MFSD6: variants seen among roughly 807,000 people sequenced by gnomAD.
The protein encoded by MFSD6 is major facilitator superfamily domain containing 6.
In MFSD6, 26 loss-of-function variants were observed where a neutral mutation model predicts 56.3. That is an observed-to-expected ratio of 0.46 (90% CI 0.34 to 0.64). The LOEUF (loss-of-function observed/expected upper bound fraction) is 0.64, where lower values mean the gene tolerates loss of function less well. MFSD6 is among the 30% of genes least tolerant of loss of function. MFSD6 has a pLI of 0.01. For synonymous variants in MFSD6, 331 were observed against 366.9 expected, an observed-to-expected ratio of 0.90 and a Z score of 1.12; for missense variants, 750 against 986.2, an observed-to-expected ratio of 0.76 and a Z score of 3.21.
Position 190,491,563 on chromosome 2 carries a change from A to G in MFSD6, c.1891+1697A>G, listed in dbSNP as rs1384859282. Among the ~76,000 whole-genome samples the G allele has an allele frequency of 1.3e-5, 2 of 152,188 alleles. No individual in the cohort carries two copies. The highest frequency in any genetic ancestry group is 2.4e-5 in the African/African-American group (1 of 41,436). On this transcript the variant is annotated intron_variant, in intron 6 of 7. Coordinates refer to ENST00000392328, the MANE Select transcript of MFSD6 (RefSeq NM_017694.4). This position sits in a 1 kb window ranked among gnomAD's most constrained non-coding sequence, Gnocchi z 4.2. The stretch of plus-strand genomic sequence containing the variant: ...GGCTAGATCCAGAAGAGAAATGACA[A>G]TCACTACAGCCTGGCTGTCAGGAAG...
At position 190,461,294 on chromosome 2, in the gene MFSD6, T is replaced by C. The variant is rs1408312272; in HGVS notation, c.1533-8464T>C. On this transcript the variant is annotated intron_variant, in intron 3 of 7. Coordinates refer to ENST00000392328, the MANE Select transcript of MFSD6 (RefSeq NM_017694.4). This position sits in a 1 kb window ranked among gnomAD's most constrained non-coding sequence, Gnocchi z 5.5. ...TGTTCATTCTTTGAGAAAGTAGACA[T>C]GCACTTGGAAAAACATTCAAAAGGT... 6.6e-6 allele frequency among the ~76,000 whole-genome samples: 1 copy of C among 152,182 alleles called. No individual in the cohort carries two copies. The highest frequency in any genetic ancestry group is 1.9e-4 in the East Asian group (1 of 5,198).
chr2:190,465,006 C>T lies in MFSD6; in HGVS notation c.1533-4752C>T. ...TACACTGTTAGGAATTACAGAATGA[C>T]TCATAATTCATTGTATCTATATCTT... On this transcript the variant is annotated intron_variant, in intron 3 of 7. Coordinates refer to ENST00000392328, the MANE Select transcript of MFSD6 (RefSeq NM_017694.4). The surrounding 1 kb of genome is among the most constrained non-coding windows in gnomAD (Gnocchi z 4.6). 2 of 677,772 alleles carry T rather than the reference C, an allele frequency of 3.0e-6. No individual in the cohort carries two copies. The highest frequency in any genetic ancestry group is 3.7e-6 in the Non-Finnish European group (2 of 547,942). 42.0% of individuals were successfully genotyped at this position (677,772 alleles called of 1,614,324 possible).
At chr2:190,472,668 A>G (rs959084498) in intron 4 of MFSD6, among the ~76,000 whole-genome samples, 2 of 152,248 alleles carry the variant, frequency 1.3e-5, no homozygotes, top group Non-Finnish European at 2.9e-5. Flanking sequence ...ACTCTGCAGG[A>G]TATTATCCAG....
rs775739094 is a variant in MFSD6 at position 190,494,465 on chromosome 2, T to C, written c.1892-2974T>C. ...ATCCTATTGACACTATTCCACAAGATAGAGAAAGAGGGAATCCTCCCTAAA... is the reference window on the plus strand; with the variant it reads ...ATCCTATTGACACTATTCCACAAGACAGAGAAAGAGGGAATCCTCCCTAAA... On this transcript the variant is annotated intron_variant, in intron 6 of 7. Transcript: ENST00000392328. This position sits in a 1 kb window ranked among gnomAD's most constrained non-coding sequence, Gnocchi z 5.7. Among the ~76,000 whole-genome samples, 6 of 152,102 alleles carry C rather than the reference T, an allele frequency of 3.9e-5. No homozygotes were observed. In the East Asian group the frequency reaches 9.7e-4, roughly 24 times the overall value.
chr2:190,469,339 C>T lies in MFSD6; in HGVS notation c.1533-419C>T, dbSNP rs1687782558. ...TATTCTCATTTTTATCCTTCCTTCC[C>T]CCATTGTAGTGAAGTGGTTACAATC... On this transcript the variant is annotated intron_variant, in intron 3 of 7. Transcript: ENST00000392328. The surrounding 1 kb of genome is among the most constrained non-coding windows in gnomAD (Gnocchi z 5.3). Among the ~76,000 whole-genome samples the T allele has an allele frequency of 6.6e-6, 1 of 152,124 alleles. No homozygotes were observed. Among genetic ancestry groups the T allele is most frequent in the Non-Finnish European group, 1.5e-5 (1 of 68,032 alleles).
chr2:190,409,959 A>G (rs1358855793), intron 1 of MFSD6, among the ~76,000 whole-genome samples: 1 of 152,216 alleles, frequency 6.6e-6, no homozygotes, highest in Non-Finnish European at 1.5e-5. Context: ...CTGGGGAAAC[A>G]GGAGGAGAGA....
intron 2 of MFSD6, among the ~76,000 whole-genome samples, chr2:190,422,389 G>A (rs1431397286): frequency 6.6e-6 from 1 of 152,004 alleles, no homozygotes; most frequent in African/African-American, 2.4e-5. Context: ...CTTATTTCCT[G>A]TATCCCTTGT....
chr2:190,423,934 T>C lies in MFSD6; in HGVS notation c.-54+8521T>C, dbSNP rs1685709059. The stretch of plus-strand genomic sequence containing the variant: ...TTTGTATCTATGCATTTATATATCC[T>C]GTCTATCCTCTTCAGTGAAATGTCC... On this transcript the variant is annotated intron_variant, in intron 2 of 7. Transcript: ENST00000392328. This position sits in a 1 kb window ranked among gnomAD's most constrained non-coding sequence, Gnocchi z 4.3. Among the ~76,000 whole-genome samples, 1 of 152,258 alleles carries C rather than the reference T, an allele frequency of 6.6e-6. No individual in the cohort carries two copies. Among genetic ancestry groups the C allele is most frequent in the Admixed American group, 6.5e-5 (1 of 15,292 alleles).
chr2:190,444,937 T>A (rs1686517778), intron 3 of MFSD6: 2 of 739,124 alleles, frequency 2.7e-6, no homozygotes, highest in African/African-American at 1.9e-5. Context: ...TCTTGGTAAA[T>A]TAACTGTAGC....
At position 190,487,936 on chromosome 2, in the gene MFSD6, C is replaced by T. The variant is rs1689107370; in HGVS notation, c.1631-721C>T. The stretch of plus-strand genomic sequence containing the variant: ...TTCTTTTTTGAGACAGAATCTTGCT[C>T]TGTTGCCAGGCTGGGGAGTGCAGTG... On this transcript the variant is annotated intron_variant, in intron 4 of 7. Coordinates refer to ENST00000392328, the MANE Select transcript of MFSD6 (RefSeq NM_017694.4). The surrounding 1 kb of genome is among the most constrained non-coding windows in gnomAD (Gnocchi z 5.5). Among the ~76,000 whole-genome samples, 1 of 152,142 alleles carries T rather than the reference C, an allele frequency of 6.6e-6. No homozygotes were observed. Among genetic ancestry groups the T allele is most frequent in the Non-Finnish European group, 1.5e-5 (1 of 68,030 alleles).
In MFSD6 at chr2:190,457,421, C is replaced by T. The variant is rs1225483786; in HGVS notation, c.1533-12337C>T. Among the ~76,000 whole-genome samples, 1 of 152,184 alleles carries T rather than the reference C, an allele frequency of 6.6e-6. No individual in the cohort carries two copies. The highest frequency in any genetic ancestry group is 1.9e-4 in the East Asian group (1 of 5,204). ...CTTCTTCCTGTTGGCCCCCTACCCC[C>T]AGGACTCAGACTTTGCGTGTTTTTT... On this transcript the variant is annotated intron_variant, in intron 3 of 7. Transcript: ENST00000392328. This position sits in a 1 kb window ranked among gnomAD's most constrained non-coding sequence, Gnocchi z 5.1.
Position 190,413,351 on chromosome 2 carries a change from C to T in MFSD6, c.-175-1941C>T, listed in dbSNP as rs770422349. Among the ~76,000 whole-genome samples, 1 of 151,854 alleles carries T rather than the reference C, an allele frequency of 6.6e-6. No homozygotes were observed. Among genetic ancestry groups the T allele is most frequent in the Non-Finnish European group, 1.5e-5 (1 of 67,982 alleles). The stretch of plus-strand genomic sequence containing the variant: ...ATTCAGACCCTTAAAAAACCATGTT[C>T]AAGAGATGTGGAAAAAAATTGAATT... On this transcript the variant is annotated intron_variant, in intron 1 of 7. Transcript: ENST00000392328. This position sits in a 1 kb window ranked among gnomAD's most constrained non-coding sequence, Gnocchi z 4.1.
chr2:190,449,600 A>G (rs78370306), intron 3 of MFSD6, among the ~76,000 whole-genome samples: 3 of 152,170 alleles, frequency 2.0e-5, no homozygotes, highest in Non-Finnish European at 2.9e-5. Flanking sequence ...CAATAGCAAA[A>G]ACTTGGAACC....
In MFSD6 at chr2:190,436,520, G is replaced by A. The variant is rs752903417; in HGVS notation, c.491G>A (p.Arg164His). The change falls in exon 3 of 8, where the codon CGC becomes CAC. Residue 164 changes from arginine to histidine, a missense_variant. Around this residue, in one of 5 missense-constraint regions of MFSD6, gnomAD observed 376 missense variants for 437.9 expected, o/e 0.86. Transcript: ENST00000392328. The surrounding 1 kb of genome is among the most constrained non-coding windows in gnomAD (Gnocchi z 5.3). Reference protein sequence around the residue: ...PATLRCVPKIRPTTHPTNASH... With the variant: ...PATLRCVPKIHPTTHPTNASH... The stretch of plus-strand genomic sequence containing the variant: ...ACCTTGAGATGTGTACCAAAGATTC[G>A]CCCAACAACTCACCCCACCAATGCA... 12 of 1,613,982 alleles carry A rather than the reference G, an allele frequency of 7.4e-6. No homozygotes were observed. The highest frequency in any genetic ancestry group is 4.5e-5 in the East Asian group (2 of 44,898).
Position 190,424,277 on chromosome 2 carries a change from A to C in MFSD6, c.-54+8864A>C, listed in dbSNP as rs2125010214. Among the ~76,000 whole-genome samples, 1 of 150,666 alleles carries C rather than the reference A, an allele frequency of 6.6e-6. No individual in the cohort carries two copies. Among genetic ancestry groups the C allele is most frequent in the Non-Finnish European group, 1.5e-5 (1 of 67,726 alleles). Reference sequence around the variant, plus strand: ...AATGTTTTATAGTTTCAAATTGTATAGTTAATGATCCATTTTGAGTTAATA... The same window carrying C: ...AATGTTTTATAGTTTCAAATTGTATCGTTAATGATCCATTTTGAGTTAATA... On this transcript the variant is annotated intron_variant, in intron 2 of 7. Coordinates refer to ENST00000392328, the MANE Select transcript of MFSD6 (RefSeq NM_017694.4). This position sits in a 1 kb window ranked among gnomAD's most constrained non-coding sequence, Gnocchi z 5.9.
intron 4 of MFSD6, among the ~76,000 whole-genome samples, chr2:190,479,733 A>G (rs1382496483): frequency 6.6e-6 from 1 of 152,188 alleles, no homozygotes; most frequent in Non-Finnish European, 1.5e-5. Flanking sequence ...CTATAACTAA[A>G]GAGGTACTTT....
Position 190,415,212 on chromosome 2 carries a change from T to C in MFSD6, c.-175-80T>C, listed in dbSNP as rs1690726373. Reference sequence around the variant, plus strand: ...CTGTCAATTCTCATACTCACCAGCATTGAATATTTCCATTTTAAAAATTAT... The same window carrying C: ...CTGTCAATTCTCATACTCACCAGCACTGAATATTTCCATTTTAAAAATTAT... On this transcript the variant is annotated intron_variant, in intron 1 of 7. Transcript: ENST00000392328. The surrounding 1 kb of genome is among the most constrained non-coding windows in gnomAD (Gnocchi z 4.5). The C allele has an allele frequency of 6.6e-6, 1 of 152,212 alleles. No individual in the cohort carries two copies. The highest frequency in any genetic ancestry group is 2.1e-4 in the South Asian group (1 of 4,832). 9.4% of individuals were successfully genotyped at this position (152,212 alleles called of 1,614,324 possible).
Position 190,467,408 on chromosome 2 carries a change from T to A in MFSD6, c.1533-2350T>A, listed in dbSNP as rs1047070933. Among the ~76,000 whole-genome samples the A allele has an allele frequency of 3.9e-5, 6 of 151,968 alleles. No individual in the cohort carries two copies. Among genetic ancestry groups the A allele is most frequent in the African/African-American group, 1.2e-4 (5 of 41,336 alleles). ...TGGGCGGACTACCTGAGGTCAGGAG[T>A]TTGAGACCAGCCTGGCCAACATGGC... is the stretch of plus-strand genomic sequence containing the variant. On this transcript the variant is annotated intron_variant, in intron 3 of 7. Transcript: ENST00000392328. The surrounding 1 kb of genome is among the most constrained non-coding windows in gnomAD (Gnocchi z 5.5).
chr2:190,497,333 C>A lies in MFSD6; in HGVS notation c.1892-106C>A. The A allele has an allele frequency of 7.8e-7, 1 of 1,279,894 alleles. No individual in the cohort carries two copies. The highest frequency in any genetic ancestry group is 1.1e-6 in the Non-Finnish European group (1 of 933,096). 79.3% of individuals were successfully genotyped at this position (1,279,894 alleles called of 1,614,324 possible). On this transcript the variant is annotated intron_variant, in intron 6 of 7. Transcript: ENST00000392328. The surrounding 1 kb of genome is among the most constrained non-coding windows in gnomAD (Gnocchi z 5.2). Reference sequence around the variant, plus strand: ...AGCAATTTATTAATATTATCAAGCACTCTGGAATGGGTATATGGGATTCTT... The same window carrying A: ...AGCAATTTATTAATATTATCAAGCAATCTGGAATGGGTATATGGGATTCTT...
Sources: gnomAD v4.1 joint callset for allele counts (sites outside exome capture counted in the v4.1 genomes callset) on GRCh38, gnomAD v4.1.1 for gene constraint, gnomAD v4.1.1 regional missense constraint, Gnocchi (gnomAD v3.1) non-coding constraint, MANE v1.5 for transcripts, NCBI Gene and HGNC (gene_info 2026-07-23, HGNC 2026-07-21) for gene names.